The following CAVIN1 variants were observed in gnomAD, a reference collection of about 807,000 sequenced individuals.
CAVIN1 encodes caveolae associated protein 1, also known as caveolae-associated protein 1.
Under a neutral mutation model 24.0 loss-of-function variants are expected in CAVIN1, and 16 were observed. The observed-to-expected ratio is 0.67, with a 90% CI of 0.45 to 1.01. The LOEUF is 1.01. Ranked by LOEUF, CAVIN1 falls within the 50% of genes least tolerant of loss-of-function variation. The pLI, the probability that CAVIN1 is intolerant of heterozygous loss-of-function variation, is 0.00. For synonymous variants in CAVIN1, 256 were observed against 256.4 expected, an observed-to-expected ratio of 1.00 and a Z score of 0.02; for missense variants, 510 against 551.7, an observed-to-expected ratio of 0.92 and a Z score of 0.76.
intron 1 of CAVIN1, among the ~76,000 whole-genome samples, chr17:42,410,296 A>G (rs1024412615): frequency 3.9e-5 from 6 of 152,104 alleles, no homozygotes; most frequent in African/African-American, 1.4e-4. Flanking sequence ...ATCTGCTTAG[A>G]GTGTATGTTA....
intron 1 of CAVIN1, among the ~76,000 whole-genome samples, chr17:42,406,797 A>C (rs1481600162): frequency 6.9e-6 from 1 of 144,026 alleles, no homozygotes; most frequent in Non-Finnish European, 1.5e-5. Context: ...CCCCTCCCCC[A>C]CATTTAGAAA....
chr17:42,404,770 C>A lies in CAVIN1; in HGVS notation c.1090G>T (p.Gly364Trp). 6.3e-7 allele frequency: 1 copy of A among 1,577,788 alleles called. No homozygotes were observed. The highest frequency in any genetic ancestry group is 8.6e-7 in the Non-Finnish European group (1 of 1,163,978). Residue 364 changes from glycine to tryptophan, a missense_variant, in exon 2 of 2, where the codon GGG becomes TGG. Coordinates refer to ENST00000357037, the MANE Select transcript of CAVIN1 (RefSeq NM_012232.6). ...AGCGCGTGCACGTCGGGGCTGCTCC[C>A]GCGCCGCAGGTCGCCGGCCTCCCCG... The part of the protein sequence containing the change: ...ERGEAGDLRR[G>W]SSPDVHALLE...
chr17:42,418,795 A>C (rs1286633626), intron 1 of CAVIN1, among the ~76,000 whole-genome samples: 1 of 152,244 alleles, frequency 6.6e-6, no homozygotes, highest in African/African-American at 2.4e-5. Flanking sequence ...TGATTTGATC[A>C]TTATACATTG....
intron 1 of CAVIN1, 150 bp from the exon 2 acceptor site, chr17:42,405,538 G>T: frequency 3.8e-6 from 3 of 794,266 alleles, no homozygotes; most frequent in South Asian, 1.4e-5. Flanking sequence ...ATGTGTGTAG[G>T]CTCACGCCTG....
At chr17:42,411,219 C>A (rs984457543) in intron 1 of CAVIN1, among the ~76,000 whole-genome samples, 1 of 35,176 alleles carries the variant, frequency 2.8e-5, no homozygotes, top group Non-Finnish European at 8.0e-5. Context: ...ACTAAAAGGT[C>A]TGTATATGGG....
chr17:42,408,092 G>T (rs544019322), intron 1 of CAVIN1, among the ~76,000 whole-genome samples: 1 of 151,856 alleles, frequency 6.6e-6, no homozygotes, highest in Admixed American at 6.6e-5. Flanking sequence ...ACCCACCCAC[G>T]CCCCACCAAA....
In CAVIN1 at chr17:42,405,080, C is replaced by A; in HGVS notation, c.780G>T (p.Lys260Asn). ...ENLEKTRLKT[K>N]ENLEKTRHTL... ...TGTGCCGCGTCTTCTCCAGGTTTTC[C>A]TTGGTCTTGAGGCGCGTCTTCTCCA... is the stretch of plus-strand genomic sequence containing the variant. The change falls in exon 2 of 2, where the codon AAG becomes AAT. Residue 260 changes from lysine to asparagine, a missense_variant. Transcript: ENST00000357037. 2 of 1,614,092 alleles carry A rather than the reference C, an allele frequency of 1.2e-6. No homozygotes were observed. Among genetic ancestry groups the A allele is most frequent in the African/African-American group, 1.3e-5 (1 of 75,022 alleles).
At chr17:42,408,869 C>A (rs2085460811) in intron 1 of CAVIN1, among the ~76,000 whole-genome samples, 1 of 148,174 alleles carries the variant, frequency 6.7e-6, no homozygotes, top group African/African-American at 2.5e-5. Context: ...CGGCTCACTG[C>A]AACCTCTGCC....
chr17:42,405,248 G>T lies in CAVIN1; in HGVS notation c.612C>A (p.Asp204Glu). ...TAACCTCCTCAACCTCCACCGCCTC[G>T]TCCGACGAAAGCTCCAGCGCCGCTG... ...EDAAALELSSDEAVEVEEVIE... is the reference protein window; with the variant it reads ...EDAAALELSSEEAVEVEEVIE... The change falls in exon 2 of 2, where the codon GAC (aspartate) becomes GAA (glutamate). Residue 204 changes from aspartate (D) to glutamate (E), a missense_variant. Physicochemically the swap from Asp to Glu is conservative, Grantham distance 45. Transcript: ENST00000357037. 1.2e-6 allele frequency: 2 copies of T among 1,613,604 alleles called. No individual in the cohort carries two copies. The highest frequency in any genetic ancestry group is 1.7e-6 in the Non-Finnish European group (2 of 1,179,924).
In CAVIN1 at chr17:42,405,077, T is replaced by C; in HGVS notation, c.783A>G (p.Glu261=). Residue 261 remains glutamate, a synonymous_variant, in exon 2 of 2, where the codon GAA becomes GAG. Coordinates refer to ENST00000357037, the MANE Select transcript of CAVIN1 (RefSeq NM_012232.6). ...GGGTGTGCCGCGTCTTCTCCAGGTTTTCCTTGGTCTTGAGGCGCGTCTTCT... is the reference window on the plus strand; with the variant it reads ...GGGTGTGCCGCGTCTTCTCCAGGTTCTCCTTGGTCTTGAGGCGCGTCTTCT... ...NLEKTRLKTK[E]NLEKTRHTLE... 6.2e-7 allele frequency: 1 copy of C among 1,614,044 alleles called. No individual in the cohort carries two copies. The highest frequency in any genetic ancestry group is 8.5e-7 in the Non-Finnish European group (1 of 1,179,994).
intron 1 of CAVIN1, chr17:42,411,925 C>T (rs565176852): frequency 1.0e-6 from 1 of 985,278 alleles, no homozygotes; most frequent in Admixed American, 6.2e-5. Flanking sequence ...ACCCGGCACC[C>T]GTCCACAGTG....
At chr17:42,411,466 C>T (rs1367904137) in intron 1 of CAVIN1, 1 of 985,256 alleles carries the variant, frequency 1.0e-6, no homozygotes, top group Non-Finnish European at 1.2e-6. Flanking sequence ...GAGCCAGAGC[C>T]AGCTAGAATG....
In CAVIN1 at chr17:42,422,867, C is replaced by T. The variant is rs562122154; in HGVS notation, c.231G>A (p.Glu77=). 4 of 1,614,132 alleles carry T rather than the reference C, an allele frequency of 2.5e-6. No homozygotes were observed. In the African/African-American group the frequency reaches 5.3e-5, roughly 22 times the overall value. ...CTGCGCCCTCCATCTCCGCCTGCCG[C>T]TCCTCCAGCTGTGCTTGAGTCAGCT... ...QIQLTQAQLE[E]RQAEMEGAVQ... is the part of the protein sequence containing the mutation. Residue 77 remains glutamate (E), a synonymous_variant, in exon 1 of 2, where the codon GAG becomes GAA. Coordinates refer to ENST00000357037, the MANE Select transcript of CAVIN1 (RefSeq NM_012232.6).
At chr17:42,413,315 C>G (rs1474493030) in intron 1 of CAVIN1, among the ~76,000 whole-genome samples, 1 of 151,772 alleles carries the variant, frequency 6.6e-6, no homozygotes, top group Non-Finnish European at 1.5e-5. Flanking sequence ...CCCTGTAATC[C>G]CAGCACTTTG....
chr17:42,408,733 C>T (rs2085459725), intron 1 of CAVIN1, among the ~76,000 whole-genome samples: 1 of 150,836 alleles, frequency 6.6e-6, no homozygotes, highest in Non-Finnish European at 1.5e-5. Flanking sequence ...TCATGTGATT[C>T]GCCCTCCTCA....
intron 1 of CAVIN1, among the ~76,000 whole-genome samples, chr17:42,419,234 G>T (rs769904235): frequency 6.6e-6 from 1 of 152,042 alleles, no homozygotes; most frequent in Non-Finnish European, 1.5e-5. Flanking sequence ...ACAAATTGTT[G>T]CCTGGAAGAA....
intron 1 of CAVIN1, among the ~76,000 whole-genome samples, chr17:42,422,363 C>G (rs1465352546): frequency 6.6e-6 from 1 of 152,182 alleles, no homozygotes; most frequent in Non-Finnish European, 1.5e-5. Context: ...GTTTGGGACC[C>G]GAGGGAAGGA....
At chr17:42,411,522 C>T (rs1040068633) in intron 1 of CAVIN1, 40 of 985,196 alleles carry the variant, frequency 4.1e-5, no homozygotes, top group Admixed American at 1.8e-4. Flanking sequence ...GGCACCCCAC[C>T]CAAGGCAGGA....
In CAVIN1 at chr17:42,416,171, C is replaced by T. The variant is rs551951074; in HGVS notation, c.471+6456G>A. On this transcript the variant is annotated intron_variant, in intron 1 of 1. Coordinates refer to ENST00000357037, the MANE Select transcript of CAVIN1 (RefSeq NM_012232.6). ...TCACCTGAGGTCAGGAGTTCGAGAC[C>T]AGCCTAGCCAACATGGTGAAACCCC... Among the ~76,000 whole-genome samples the T allele has an allele frequency of 7.9e-5, 12 of 152,118 alleles. No individual in the cohort carries two copies. In the South Asian group the frequency reaches 2.3e-3, roughly 29 times the overall value.
Sources: gnomAD v4.1 joint callset for allele counts (sites outside exome capture counted in the v4.1 genomes callset) on GRCh38, gnomAD v4.1.1 for gene constraint, MANE v1.5 for transcripts, NCBI Gene and HGNC (gene_info 2026-07-23, HGNC 2026-07-21) for gene names.